Variants in ADAMTSL1 observed in about 807,000 individuals in gnomAD.
The protein encoded by ADAMTSL1 is ADAMTS like 1, also known as ADAMTS-like protein 1.
ADAMTSL1 carries 126 observed loss-of-function variants against 201.8 expected under a neutral mutation model. The ratio of observed to expected loss-of-function variants is 0.62; its 90% CI spans 0.54 to 0.72. ADAMTSL1 has a LOEUF of 0.72. Among genes scored for constraint, ADAMTSL1 ranks in the 30% least tolerant of loss-of-function variants. ADAMTSL1 has a pLI of 0.00. For synonymous variants in ADAMTSL1, 1,121 were observed against 903.4 expected (o/e 1.24, Z -4.32); for missense variants, 2,679 against 2,277.8 (o/e 1.18, Z -3.59).
intron 1 of ADAMTSL1, among the ~76,000 whole-genome samples, chr9:18,151,232 CA>C (rs1006043179): frequency 6.6e-6 from 1 of 151,980 alleles, no homozygotes; most frequent in African/African-American, 2.4e-5. Context: ...ATGCTAACAG[CA>C]AACAAAAAAC....
chr9:18,827,857 A>G (rs1467020930), intron 22 of ADAMTSL1, among the ~76,000 whole-genome samples: 1 of 152,210 alleles, frequency 6.6e-6, no homozygotes, highest in Non-Finnish European at 1.5e-5. Context: ...AATCACTGTC[A>G]AGACTCTTAG....
At chr9:18,893,806 C>T (rs1829445401) in intron 26 of ADAMTSL1, among the ~76,000 whole-genome samples, 1 of 152,216 alleles carries the variant, frequency 6.6e-6, no homozygotes, top group Non-Finnish European at 1.5e-5. Context: ...TAGTGTTATG[C>T]AAATGTTTTT....
At chr9:18,758,696 G>T (rs548248762) in intron 16 of ADAMTSL1, among the ~76,000 whole-genome samples, 1 of 152,236 alleles carries the variant, frequency 6.6e-6, no homozygotes, top group African/African-American at 2.4e-5. Context: ...GATAATCCAG[G>T]ATCATTTCCC....
Position 18,657,621 on chromosome 9 carries a change from T to G in ADAMTSL1, c.835-18T>G. The G allele has an allele frequency of 6.3e-7, 1 of 1,592,490 alleles. No homozygotes were observed. On this transcript the variant is annotated intron_variant, in intron 7 of 28. Coordinates refer to ENST00000380548, the MANE Select transcript of ADAMTSL1 (RefSeq NM_001040272.6). ...CCGCACTGTCACATTACTTCTACTT[T>G]CCTGTTGACTCCTGCAGATTCGTAA...
chr9:17,908,992 G>A (rs1825829670), intron 1 of ADAMTSL1, among the ~76,000 whole-genome samples: 1 of 150,866 alleles, frequency 6.6e-6, no homozygotes. Context: ...GTTGTTTCCT[G>A]ACTTTTTAAT....
Position 18,851,455 on chromosome 9 carries a change from T to A in ADAMTSL1, c.4249+21478T>A, listed in dbSNP as rs117462600. 1.2e-3 allele frequency among the ~76,000 whole-genome samples: 182 copies of A among 152,260 alleles called. 6 individuals carry two copies. The East Asian group carries it at 0.034, about 29-fold the overall frequency. Reference sequence around the variant, plus strand: ...CTTAATTCTTGCCTCCTTAGAGGAATTAATTCATTCCAGGAGCATAAGGCA... The same window carrying A: ...CTTAATTCTTGCCTCCTTAGAGGAAATAATTCATTCCAGGAGCATAAGGCA... On this transcript the variant is annotated intron_variant, in intron 23 of 28. Transcript: ENST00000380548.
intron 1 of ADAMTSL1, among the ~76,000 whole-genome samples, chr9:18,126,976 G>T (rs1232445041): frequency 6.6e-6 from 1 of 152,144 alleles, no homozygotes; most frequent in Non-Finnish European, 1.5e-5. Context: ...GCCTGGGTGG[G>T]GAAGGAGAAG....
At chr9:18,044,006 T>A (rs773186646) in intron 1 of ADAMTSL1, among the ~76,000 whole-genome samples, 2 of 147,974 alleles carry the variant, frequency 1.4e-5, no homozygotes, top group Non-Finnish European at 3.0e-5. Context: ...AGTATGTTAC[T>A]TTCTATCATT....
rs147598118 is a variant in ADAMTSL1 at position 18,367,366 on chromosome 9, G to A, written c.208-137463G>A. Among the ~76,000 whole-genome samples the A allele has an allele frequency of 3.6e-5, 5 of 139,990 alleles. No homozygotes were observed. The East Asian group carries it at 1.0e-3, about 29-fold the overall frequency. The allele number at this position is 139,990 out of a possible 152,430, so 91.8% of individuals were successfully genotyped here. A position where few individuals can be genotyped will look rare whatever the true frequency, so the allele number is the denominator to read the frequency against. ...AGATAAGTGAATCTTTTAGATAACAGAAGATAAGATTTTTTTTTTTTTCAG... is the reference window on the plus strand; with the variant it reads ...AGATAAGTGAATCTTTTAGATAACAAAAGATAAGATTTTTTTTTTTTTCAG... On this transcript the variant is annotated intron_variant, in intron 2 of 29. Transcript: ENST00000680146.
chr9:18,069,316 C>G (rs889388341), intron 1 of ADAMTSL1, among the ~76,000 whole-genome samples: 7 of 152,032 alleles, frequency 4.6e-5, no homozygotes, highest in East Asian at 3.8e-4. Context: ...TTACTTTTTT[C>G]TAATGCAGTT....
chr9:18,055,402 G>C (rs1822137099), intron 1 of ADAMTSL1, among the ~76,000 whole-genome samples: 1 of 152,186 alleles, frequency 6.6e-6, no homozygotes, highest in African/African-American at 2.4e-5. Context: ...GAAGTGTGTA[G>C]AAGTAGGGTC....
chr9:18,114,075 G>A (rs1324599002), intron 1 of ADAMTSL1, among the ~76,000 whole-genome samples: 4 of 152,108 alleles, frequency 2.6e-5, no homozygotes, highest in African/African-American at 4.8e-5. Context: ...AAAAATATGA[G>A]GAAAAGGGTA....
At chr9:18,896,001 G>T (rs754242019) in intron 26 of ADAMTSL1, among the ~76,000 whole-genome samples, 1 of 152,056 alleles carries the variant, frequency 6.6e-6, no homozygotes, top group African/African-American at 2.4e-5. Flanking sequence ...AGCAGATTTC[G>T]CAGGCAGCAG....
chr9:18,208,679 G>A (rs10963517), intron 2 of ADAMTSL1, among the ~76,000 whole-genome samples: 2 of 152,060 alleles, frequency 1.3e-5, no homozygotes, highest in African/African-American at 2.4e-5. Context: ...CTGACTGAGA[G>A]CACATAGCCA....
intron 1 of ADAMTSL1, among the ~76,000 whole-genome samples, chr9:17,917,380 C>G (rs760435147): frequency 1.3e-5 from 2 of 151,930 alleles, no homozygotes; most frequent in African/African-American, 2.4e-5. Flanking sequence ...CTCTTTATGT[C>G]TGAGGAAATT....
chr9:18,724,861 TA>T (rs1405273824), intron 15 of ADAMTSL1, among the ~76,000 whole-genome samples: 2 of 151,970 alleles, frequency 1.3e-5, no homozygotes, highest in Admixed American at 6.6e-5. Context: ...TCCTTAAGCT[TA>T]AGGATTTAAA....
intron 1 of ADAMTSL1, among the ~76,000 whole-genome samples, chr9:18,105,998 AT>A (rs1824745779): frequency 6.6e-6 from 1 of 152,228 alleles, no homozygotes; most frequent in South Asian, 2.1e-4. Context: ...TCAGGAGATT[AT>A]TTTATGTACA....
intron 2 of ADAMTSL1, among the ~76,000 whole-genome samples, chr9:18,229,084 A>G (rs1182873316): frequency 6.6e-6 from 1 of 152,138 alleles, no homozygotes; most frequent in Non-Finnish European, 1.5e-5. Flanking sequence ...TAGGATGGAG[A>G]AGAGGCACTT....
intron 1 of ADAMTSL1, among the ~76,000 whole-genome samples, chr9:17,975,531 A>T (rs1031903703): frequency 6.6e-6 from 1 of 151,926 alleles, no homozygotes; most frequent in Non-Finnish European, 1.5e-5. Context: ...CAAAGGCCCC[A>T]CCTCTTCATA....
Sources: gnomAD v4.1 joint callset for allele counts (sites outside exome capture counted in the v4.1 genomes callset) on GRCh38, gnomAD v4.1.1 for gene constraint, MANE v1.5 for transcripts, NCBI Gene and HGNC (gene_info 2026-07-23, HGNC 2026-07-21) for gene names.